PLGRKT: variants seen among roughly 807,000 people sequenced by gnomAD.
The protein encoded by PLGRKT is plasminogen receptor with a C-terminal lysine.
Under a neutral mutation model 18.5 loss-of-function variants are expected in PLGRKT, and 22 were observed. That is an observed-to-expected ratio of 1.19 (90% CI 0.85 to 1.70). PLGRKT has a LOEUF of 1.70. PLGRKT is among the 40% of genes most tolerant of loss of function. The pLI is 0.00. For synonymous variants in PLGRKT, 72 were observed against 52.8 expected, an observed-to-expected ratio of 1.36 and a Z score of -1.58; for missense variants, 235 against 174.4, an observed-to-expected ratio of 1.35 and a Z score of -1.96.
intron 3 of PLGRKT, among the ~76,000 whole-genome samples, chr9:5,395,888 G>GTTT (rs201547310): frequency 1.9e-4 from 25 of 129,782 alleles, no homozygotes; most frequent in African/African-American, 2.6e-4. Flanking sequence ...TAACCTAACA[G>GTTT]TTTTTTTTTT....
intron 3 of PLGRKT, among the ~76,000 whole-genome samples, chr9:5,424,429 C>CATATTATA (rs1563789778): frequency 9.3e-6 from 1 of 107,738 alleles, no homozygotes; most frequent in African/African-American, 3.5e-5. Context: ...TAATATATAA[C>CATATTATA]ATATTATAAA....
In PLGRKT at chr9:5,418,425, G is replaced by A. The variant is rs540977588; in HGVS notation, c.81+13472C>T. ...AAATGCAGGACATGTTATGGAGCAC[G>A]ATGCTGAGGAGGAAGACCAAGACGC... On this transcript the variant is annotated intron_variant, in intron 3 of 5. Coordinates refer to ENST00000223864, the MANE Select transcript of PLGRKT (RefSeq NM_018465.4). This position sits in a 1 kb window ranked among gnomAD's most constrained non-coding sequence, Gnocchi z 4.2. 1.1e-6 allele frequency: 1 copy of A among 887,192 alleles called. No individual in the cohort carries two copies. The highest frequency in any genetic ancestry group is 1.3e-5 in the South Asian group (1 of 76,242). The allele number at this position is 887,192 out of a possible 1,614,324, so 55.0% of individuals were successfully genotyped here.
intron 3 of PLGRKT, among the ~76,000 whole-genome samples, chr9:5,397,892 T>C (rs1818083551): frequency 1.3e-5 from 2 of 151,954 alleles, no homozygotes; most frequent in Non-Finnish European, 1.5e-5. Flanking sequence ...CTGAGAACGA[T>C]GGTCACTTTC....
At chr9:5,374,377 T>C (rs939314288) in intron 3 of PLGRKT, among the ~76,000 whole-genome samples, 1 of 152,228 alleles carries the variant, frequency 6.6e-6, no homozygotes, top group Non-Finnish European at 1.5e-5. Flanking sequence ...CTGGTGTTGC[T>C]TTCCTGCTTA....
rs879699704 is a variant in PLGRKT, at chr9:5,418,637, C to T, written c.81+13260G>A. On this transcript the variant is annotated intron_variant, in intron 3 of 5. Transcript: ENST00000223864. This position sits in a 1 kb window ranked among gnomAD's most constrained non-coding sequence, Gnocchi z 4.2. ...GGCAGCAGGTGGCGGCTCATATCTC[C>T]GGGCAGCAGCGCGTGCTCCTTGGAG... 106 of 697,458 alleles carry T rather than the reference C, an allele frequency of 1.5e-4. No homozygotes were observed. The highest frequency in any genetic ancestry group is 2.4e-4 in the Non-Finnish European group (89 of 373,068). The allele number at this position is 697,458 out of a possible 1,614,324, so 43.2% of individuals were successfully genotyped here.
intron 3 of PLGRKT, among the ~76,000 whole-genome samples, chr9:5,375,963 C>T (rs1586708393): frequency 6.6e-6 from 1 of 152,148 alleles, no homozygotes. Flanking sequence ...TGCATATCAA[C>T]GGATGACTCG....
upstream of PLGRKT, among the ~76,000 whole-genome samples, chr9:5,438,329 A>T (rs1306683522): frequency 2.6e-5 from 4 of 152,176 alleles, no homozygotes; most frequent in Non-Finnish European, 5.9e-5. Flanking sequence ...TCCCAGCCTG[A>T]GAGAATGCTT....
At chr9:5,372,931 C>A (rs558099839) in intron 3 of PLGRKT, among the ~76,000 whole-genome samples, 1 of 152,128 alleles carries the variant, frequency 6.6e-6, no homozygotes, top group African/African-American at 2.4e-5. Flanking sequence ...TGATTTTCCC[C>A]GTGGTCACAG....
At chr9:5,385,348 C>T (rs187263366) in intron 3 of PLGRKT, among the ~76,000 whole-genome samples, 1 of 151,802 alleles carries the variant, frequency 6.6e-6, no homozygotes, top group East Asian at 1.9e-4. Context: ...GTCTTTTATC[C>T]ACCACACCTG....
chr9:5,380,470 C>A (rs1243743431), intron 3 of PLGRKT, among the ~76,000 whole-genome samples: 1 of 151,850 alleles, frequency 6.6e-6, no homozygotes, highest in African/African-American at 2.4e-5. Context: ...ATTTACTCCT[C>A]ATTTAATCAT....
At chr9:5,414,109 A>G (rs1252495233) in intron 3 of PLGRKT, among the ~76,000 whole-genome samples, 5 of 152,190 alleles carry the variant, frequency 3.3e-5, no homozygotes, top group African/African-American at 1.2e-4. Flanking sequence ...TATTATAAAG[A>G]GGAGGGGGAA....
intron 3 of PLGRKT, among the ~76,000 whole-genome samples, chr9:5,368,005 T>C (rs372479431): frequency 2.0e-5 from 3 of 151,930 alleles, no homozygotes; most frequent in African/African-American, 7.3e-5. Context: ...ACAACAATAA[T>C]CAGGAAAATG....
At chr9:5,419,688 T>C (rs889665504) in intron 3 of PLGRKT, among the ~76,000 whole-genome samples, 2 of 142,756 alleles carry the variant, frequency 1.4e-5, no homozygotes, top group African/African-American at 5.1e-5. Flanking sequence ...ACCAGATGAC[T>C]AGAATTTGGG....
intron 3 of PLGRKT, among the ~76,000 whole-genome samples, chr9:5,398,587 T>C (rs1303283696): frequency 4.0e-5 from 6 of 151,792 alleles, no homozygotes; most frequent in Non-Finnish European, 7.4e-5. Flanking sequence ...TTCAATTTGA[T>C]AAAGCTACAA....
rs182080832 is a variant in PLGRKT at position 5,383,851 on chromosome 9, G to T, written c.82-21963C>A. 3.3e-5 allele frequency among the ~76,000 whole-genome samples: 5 copies of T among 152,332 alleles called. No individual in the cohort carries two copies. In the East Asian group the frequency reaches 9.6e-4, roughly 29 times the overall value. On this transcript the variant is annotated intron_variant, in intron 3 of 5. Coordinates refer to ENST00000223864, the MANE Select transcript of PLGRKT (RefSeq NM_018465.4). ...GGGCCAATGACCAGTACCAGTCCGT[G>T]GCCCAGGGGTTGGGGATCCTAGAGT...
chr9:5,387,051 T>C (rs1057318355), intron 3 of PLGRKT, among the ~76,000 whole-genome samples: 1 of 151,930 alleles, frequency 6.6e-6, no homozygotes, highest in Non-Finnish European at 1.5e-5. Flanking sequence ...CAAACTTTAA[T>C]GTGTGTGTGA....
chr9:5,417,249 C>T (rs987777661), intron 3 of PLGRKT, among the ~76,000 whole-genome samples: 5 of 152,104 alleles, frequency 3.3e-5, no homozygotes, highest in Non-Finnish European at 7.4e-5. Flanking sequence ...TATGTGACCC[C>T]TAATATTTAC....
In PLGRKT at chr9:5,366,065, T is replaced by C. The variant is rs1159395219; in HGVS notation, c.82-4177A>G. On this transcript the variant is annotated intron_variant, in intron 3 of 5. Coordinates refer to ENST00000223864, the MANE Select transcript of PLGRKT (RefSeq NM_018465.4). ...ATAATGTTAATTATCAATTAAAATG[T>C]TATTAACTATTCTAAATTTCATAAG... Among the ~76,000 whole-genome samples the C allele has an allele frequency of 3.3e-5, 5 of 152,174 alleles. No individual in the cohort carries two copies. The East Asian group carries it at 7.7e-4, about 23-fold the overall frequency.
intron 3 of PLGRKT, among the ~76,000 whole-genome samples, chr9:5,413,261 C>A (rs1399327054): frequency 6.6e-6 from 1 of 152,162 alleles, no homozygotes; most frequent in Non-Finnish European, 1.5e-5. Flanking sequence ...CAAAGTTATT[C>A]ATTGAAGCAC....
Sources: gnomAD v4.1 joint callset for allele counts (sites outside exome capture counted in the v4.1 genomes callset) on GRCh38, gnomAD v4.1.1 for gene constraint, Gnocchi (gnomAD v3.1) non-coding constraint, MANE v1.5 for transcripts, NCBI Gene and HGNC (gene_info 2026-07-23, HGNC 2026-07-21) for gene names.